Variants in MAP3K7 observed in about 807,000 individuals in gnomAD.
MAP3K7 encodes TGF-beta activated kinase 1.
Under a neutral mutation model 84.8 loss-of-function variants are expected in MAP3K7, and 21 were observed. The ratio of observed to expected loss-of-function variants is 0.25; its 90% CI spans 0.18 to 0.36. MAP3K7 has a LOEUF of 0.36. Among genes scored for constraint, MAP3K7 ranks in the 10% least tolerant of loss-of-function variants. The probability of loss-of-function intolerance (pLI) is 1.00; values close to 1 mark genes in which losing one functional copy is unlikely to be tolerated. For missense variants in MAP3K7, 503 were observed against 747.7 expected (o/e 0.67, Z 3.82); for synonymous variants, 241 against 247.7 (o/e 0.97, Z 0.25).
At chr6:90,532,692 A>T (rs1166957428) in intron 13 of MAP3K7, among the ~76,000 whole-genome samples, 3 of 151,882 alleles carry the variant, frequency 2.0e-5, no homozygotes, top group Non-Finnish European at 4.4e-5. Context: ...AAGAATGTAT[A>T]TTGTTTTAGT....
intron 12 of MAP3K7, among the ~76,000 whole-genome samples, chr6:90,539,317 C>T (rs1285434249): frequency 2.0e-5 from 3 of 151,812 alleles, no homozygotes; most frequent in Admixed American, 2.0e-4. Context: ...AGAAAGGCCA[C>T]CTAAATATTC....
intron 3 of MAP3K7, among the ~76,000 whole-genome samples, chr6:90,566,171 A>T (rs157712): frequency 6.6e-6 from 1 of 151,990 alleles, no homozygotes; most frequent in Non-Finnish European, 1.5e-5. Flanking sequence ...GGATGCCCTC[A>T]CTCACCACTC....
intron 3 of MAP3K7, among the ~76,000 whole-genome samples, chr6:90,566,642 G>A (rs1362328153): frequency 6.6e-6 from 1 of 152,102 alleles, no homozygotes; most frequent in African/African-American, 2.4e-5. Flanking sequence ...ACTGCCCAAG[G>A]TAATTTATAG....
intron 12 of MAP3K7, chr6:90,537,356 T>G (rs1251029160): frequency 2.0e-5 from 3 of 152,030 alleles, no homozygotes; most frequent in African/African-American, 7.2e-5. Context: ...TCCCGATTAG[T>G]AGACAGAATT....
At chr6:90,564,207 C>T (rs1230593096) in intron 3 of MAP3K7, among the ~76,000 whole-genome samples, 2 of 152,162 alleles carry the variant, frequency 1.3e-5, no homozygotes, top group Non-Finnish European at 2.9e-5. Flanking sequence ...GGATCAAATT[C>T]ACACATAACA....
chr6:90,577,231 G>C (rs1777114105), intron 1 of MAP3K7, among the ~76,000 whole-genome samples: 1 of 152,172 alleles, frequency 6.6e-6, no homozygotes, highest in Non-Finnish European at 1.5e-5. Flanking sequence ...GAAAAGAGCT[G>C]AATCAAGGAA....
intron 16 of MAP3K7, among the ~76,000 whole-genome samples, chr6:90,518,002 G>A (rs1286643905): frequency 6.6e-6 from 1 of 151,668 alleles, no homozygotes; most frequent in East Asian, 1.9e-4. Flanking sequence ...TAAAAAGGGA[G>A]GAAGGCAGTT....
At chr6:90,579,691 CA>C (rs750591603) in intron 1 of MAP3K7, among the ~76,000 whole-genome samples, 119 of 152,262 alleles carry the variant, frequency 7.8e-4, no homozygotes, top group Admixed American at 2.5e-3. Context: ...TTAATTAAGT[CA>C]ATTCTCACAT....
chr6:90,554,052 T>C (rs1055088318), intron 6 of MAP3K7, among the ~76,000 whole-genome samples: 2 of 152,140 alleles, frequency 1.3e-5, no homozygotes, highest in African/African-American at 4.8e-5. Flanking sequence ...GCTACAGGCA[T>C]GCGCTGGCAC....
chr6:90,544,161 A>G (rs1018127444), intron 12 of MAP3K7, among the ~76,000 whole-genome samples: 4 of 152,134 alleles, frequency 2.6e-5, no homozygotes, highest in African/African-American at 9.7e-5. Flanking sequence ...GGACCCAAAA[A>G]GCAGTAACTG....
At chr6:90,548,832 G>C (rs549998889) in intron 9 of MAP3K7, among the ~76,000 whole-genome samples, 1 of 151,382 alleles carries the variant, frequency 6.6e-6, no homozygotes, top group South Asian at 2.1e-4. Context: ...AGTGCTGTCT[G>C]TAAGAAGGAG....
intron 1 of MAP3K7, among the ~76,000 whole-genome samples, chr6:90,583,565 T>C (rs1777349008): frequency 6.6e-6 from 1 of 152,206 alleles, no homozygotes; most frequent in Admixed American, 6.5e-5. Context: ...CTGCTAAGCT[T>C]ACTATAGAAA....
At position 90,545,423 on chromosome 6, in the gene MAP3K7, T is replaced by C. The variant is rs144922173; in HGVS notation, c.1211-791A>G. On this transcript the variant is annotated intron_variant, in intron 11 of 16. Coordinates refer to ENST00000369329, the MANE Select transcript of MAP3K7 (RefSeq NM_145331.3). ...TAAAAAACCAGTGCTTGACTAGAAA[T>C]ATGATACTAGCGAAGACATGAAACC... 2.5e-3 allele frequency among the ~76,000 whole-genome samples: 383 copies of C among 152,246 alleles called. 8 individuals are homozygous for C. Among genetic ancestry groups the C allele is most frequent in the East Asian group, 0.015 (77 of 5,170 alleles).
At chr6:90,554,517 C>T (rs1219738154) in intron 6 of MAP3K7, among the ~76,000 whole-genome samples, 1 of 152,186 alleles carries the variant, frequency 6.6e-6, no homozygotes, top group African/African-American at 2.4e-5. Flanking sequence ...ATTATTATAG[C>T]TATAGCTTTA....
At chr6:90,573,170 T>G (rs1776961195) in intron 1 of MAP3K7, among the ~76,000 whole-genome samples, 1 of 152,192 alleles carries the variant, frequency 6.6e-6, no homozygotes, top group South Asian at 2.1e-4. Context: ...AGCTAGCAAG[T>G]GTTAAAGTGC....
intron 5 of MAP3K7, 40 bp from the exon 6 acceptor site, chr6:90,556,664 C>A: frequency 6.4e-7 from 1 of 1,551,560 alleles, no homozygotes; most frequent in Non-Finnish European, 8.7e-7. Flanking sequence ...AGTTACAAGG[C>A]CAACATTTTA....
At position 90,560,068 on chromosome 6, in the gene MAP3K7, T is replaced by C. The variant is rs1776458853; in HGVS notation, c.482+8A>G. The C allele has an allele frequency of 6.2e-7, 1 of 1,614,166 alleles. No homozygotes were observed. The highest frequency in any genetic ancestry group is 8.5e-7 in the Non-Finnish European group (1 of 1,180,020). On this transcript the variant is annotated splice_region_variant and intron_variant, in intron 5 of 16. Transcript: ENST00000369329. The stretch of plus-strand genomic sequence containing the variant: ...GAGGCTGAGGGGTGTCACATTATTA[T>C]AACTTACTTTGGTGGTTTCAGGTCC...
At chr6:90,543,287 T>C (rs141920271) in intron 12 of MAP3K7, among the ~76,000 whole-genome samples, 2 of 152,194 alleles carry the variant, frequency 1.3e-5, no homozygotes, top group African/African-American at 4.8e-5. Flanking sequence ...AATGATGTTG[T>C]AAAATAAGAA....
intron 13 of MAP3K7, 54 bp from the exon 14 acceptor site, chr6:90,523,837 T>A: frequency 9.3e-7 from 1 of 1,072,102 alleles, no homozygotes; most frequent in Admixed American, 1.7e-5. Flanking sequence ...TTAAAAAAAA[T>A]GACGAGAACG....
Sources: allele counts gnomAD v4.1 joint callset (sites outside exome capture counted in the v4.1 genomes callset), GRCh38; gene constraint gnomAD v4.1.1; transcripts MANE v1.5; gene names NCBI Gene and HGNC (gene_info 2026-07-23, HGNC 2026-07-21).